Variants in PRKD1 observed in about 807,000 individuals in gnomAD.
PRKD1 encodes the protein protein kinase D1, also known as serine/threonine-protein kinase D1.
PRKD1 carries 63 observed loss-of-function variants against 95.9 expected under a neutral mutation model. The observed-to-expected ratio is 0.66, with a 90% confidence interval of 0.54 to 0.81. PRKD1 has a LOEUF of 0.81. Ranked by LOEUF, PRKD1 falls within the 30% of genes least tolerant of loss-of-function variation. The probability of loss-of-function intolerance (pLI) is 0.00; values close to 1 mark genes in which losing one functional copy is unlikely to be tolerated. For synonymous variants in PRKD1, 425 were observed against 423.1 expected (o/e 1.00, Z -0.05); for missense variants, 1,048 against 1,165.3 (o/e 0.90, Z 1.47).
chr14:29,867,718 A>C (rs576601807), intron 1 of PRKD1, among the ~76,000 whole-genome samples: 7 of 152,342 alleles, frequency 4.6e-5, no homozygotes, highest in Admixed American at 4.6e-4. Context: ...AGAATGAGCC[A>C]GGGGGTATCT....
chr14:29,609,844 C>T (rs1436250619), intron 13 of PRKD1, among the ~76,000 whole-genome samples: 1 of 151,522 alleles, frequency 6.6e-6, no homozygotes, highest in Non-Finnish European at 1.5e-5. Context: ...CAGGCATAAG[C>T]CACCATGCCC....
At chr14:29,639,304 A>G (rs1369542479) in intron 4 of PRKD1, among the ~76,000 whole-genome samples, 2 of 152,242 alleles carry the variant, frequency 1.3e-5, no homozygotes, top group Admixed American at 6.5e-5. Flanking sequence ...TGAAAGACAG[A>G]AAATGAAAAG....
intron 4 of PRKD1, chr14:29,657,624 T>G (rs999332517): frequency 1.3e-5 from 2 of 152,468 alleles, no homozygotes; most frequent in Non-Finnish European, 2.9e-5. Flanking sequence ...GCCAGCACTT[T>G]GGGAGGCCGA....
Position 29,735,690 on chromosome 14 carries a change from G to T in PRKD1, c.265-10016C>A, listed in dbSNP as rs79609985. 5.7e-4 allele frequency among the ~76,000 whole-genome samples: 87 copies of T among 152,300 alleles called. 1 individual carries two copies. The East Asian group carries it at 0.014, about 25-fold the overall frequency. On this transcript the variant is annotated intron_variant, in intron 1 of 17. Coordinates refer to ENST00000331968, the MANE Select transcript of PRKD1 (RefSeq NM_002742.3). ...ACCAGCTCAGCACCATTCCAGTGCC[G>T]TCTGATGTCATTCACATGCCTCTTT...
At chr14:29,847,793 T>C (rs1222325587) in intron 1 of PRKD1, among the ~76,000 whole-genome samples, 2 of 152,152 alleles carry the variant, frequency 1.3e-5, no homozygotes, top group Non-Finnish European at 2.9e-5. Flanking sequence ...TCTAAGATAT[T>C]GTAGCCAATC....
intron 1 of PRKD1, among the ~76,000 whole-genome samples, chr14:29,825,397 TAA>T: frequency 6.6e-6 from 1 of 152,208 alleles, no homozygotes; most frequent in South Asian, 2.1e-4. Context: ...GTCATATATT[TAA>T]ATGTGTGTGT....
intron 13 of PRKD1, among the ~76,000 whole-genome samples, chr14:29,605,900 T>C (rs1312547867): frequency 1.3e-5 from 2 of 152,346 alleles, no homozygotes; most frequent in South Asian, 4.1e-4. Flanking sequence ...AGTGATAGCC[T>C]CTCTTCAGAA....
At chr14:29,686,085 ACTTT>A (rs1357968357) in intron 2 of PRKD1, among the ~76,000 whole-genome samples, 2 of 152,178 alleles carry the variant, frequency 1.3e-5, no homozygotes, top group Non-Finnish European at 2.9e-5. Context: ...AAGGCTTCCT[ACTTT>A]CTTTAATAGT....
chr14:29,702,176 T>C (rs1489724921), intron 2 of PRKD1, among the ~76,000 whole-genome samples: 1 of 152,112 alleles, frequency 6.6e-6, no homozygotes, highest in Non-Finnish European at 1.5e-5. Flanking sequence ...TAATCCTAAG[T>C]ATTTTATGGA....
chr14:29,775,859 C>T (rs1888722629), intron 1 of PRKD1, among the ~76,000 whole-genome samples: 1 of 152,160 alleles, frequency 6.6e-6, no homozygotes, highest in Non-Finnish European at 1.5e-5. Flanking sequence ...CAAGTGGGCC[C>T]CTGACCCCCG....
chr14:29,609,920 T>C (rs566228042), intron 13 of PRKD1, among the ~76,000 whole-genome samples: 175 of 152,136 alleles, frequency 1.2e-3, no homozygotes, highest in Non-Finnish European at 1.9e-3. Flanking sequence ...GTTTCATACA[T>C]TCTAGAAATG....
chr14:29,886,419 A>G (rs1297813216), intron 1 of PRKD1, among the ~76,000 whole-genome samples: 4 of 152,202 alleles, frequency 2.6e-5, no homozygotes, highest in African/African-American at 9.7e-5. Flanking sequence ...ACATGAGAAA[A>G]TCTCAGATGA....
intron 4 of PRKD1, among the ~76,000 whole-genome samples, chr14:29,651,104 G>A (rs1305562755): frequency 6.6e-6 from 1 of 152,150 alleles, no homozygotes; most frequent in Non-Finnish European, 1.5e-5. Flanking sequence ...ACGCTCATGT[G>A]CTTCTGAAAC....
intron 1 of PRKD1, among the ~76,000 whole-genome samples, chr14:29,858,113 G>C (rs960810022): frequency 1.3e-5 from 2 of 152,170 alleles, no homozygotes; most frequent in African/African-American, 4.8e-5. Context: ...TCTTGCTTAA[G>C]ATCAACAATT....
chr14:29,624,214 CA>C lies in PRKD1; in HGVS notation c.1842del (p.Ile614MetfsTer30). On this transcript the variant is annotated frameshift_variant, in exon 13 of 18. Coordinates refer to ENST00000331968, the MANE Select transcript of PRKD1 (RefSeq NM_002742.3). LOFTEE classifies it high-confidence loss of function. The part of the protein sequence containing the change: ...KTGRDVAIKI[I>X]DKLRFPTKQE... ...TGTTTTGTTGGAAATCGTAATTTGT[CA>C]ATGATTTTAATAGCTACATCTCTTC... is the stretch of plus-strand genomic sequence containing the variant. 6.2e-7 allele frequency: 1 copy of C among 1,605,708 alleles called. No individual in the cohort carries two copies. Among genetic ancestry groups the C allele is most frequent in the Non-Finnish European group, 8.5e-7 (1 of 1,175,752 alleles).
At chr14:29,779,093 C>T (rs942179382) in intron 1 of PRKD1, among the ~76,000 whole-genome samples, 1 of 152,164 alleles carries the variant, frequency 6.6e-6, no homozygotes, top group Non-Finnish European at 1.5e-5. Flanking sequence ...AACAGCCCTT[C>T]ATGCTAAAAA....
At chr14:29,861,745 C>A (rs959922715) in intron 1 of PRKD1, among the ~76,000 whole-genome samples, 3 of 152,052 alleles carry the variant, frequency 2.0e-5, no homozygotes, top group African/African-American at 7.2e-5. Context: ...CTCTGCCTCC[C>A]GGGTTCAAGC....
chr14:29,594,577 C>T (rs952064554), intron 16 of PRKD1, among the ~76,000 whole-genome samples: 1 of 152,162 alleles, frequency 6.6e-6, no homozygotes, highest in African/African-American at 2.4e-5. Flanking sequence ...CTCGGAATGG[C>T]AGATAGGACT....
chr14:29,859,306 C>A (rs1272764958), intron 1 of PRKD1, among the ~76,000 whole-genome samples: 1 of 150,580 alleles, frequency 6.6e-6, no homozygotes, highest in Non-Finnish European at 1.5e-5. Context: ...CCCGTCTCTA[C>A]TAAAAATACA....
Sources: gnomAD v4.1 joint callset for allele counts (sites outside exome capture counted in the v4.1 genomes callset) on GRCh38, gnomAD v4.1.1 for gene constraint, MANE v1.5 for transcripts, NCBI Gene and HGNC (gene_info 2026-07-23, HGNC 2026-07-21) for gene names.